Variants in PREX1 observed in about 807,000 individuals in gnomAD.
PREX1 encodes the protein phosphatidylinositol-3,4,5-trisphosphate dependent Rac exchange factor 1, also known as phosphatidylinositol 3,4,5-trisphosphate-dependent Rac exchanger 1 protein.
Under a neutral mutation model 198.3 loss-of-function variants are expected in PREX1, and 41 were observed. That is an observed-to-expected ratio of 0.21 (90% CI 0.16 to 0.27). The LOEUF (loss-of-function observed/expected upper bound fraction) is 0.27, where lower values mean the gene tolerates loss of function less well. Ranked by LOEUF, PREX1 falls within the 10% of genes least tolerant of loss-of-function variation. PREX1 has a pLI of 1.00. For missense variants in PREX1, 1,620 were observed against 2,200.7 expected (o/e 0.74, Z 5.28); for synonymous variants, 843 against 887.2 (o/e 0.95, Z 0.89).
At chr20:48,887,863 T>C in the PREX1 span, among the ~76,000 whole-genome samples, 1 of 146,168 alleles carries the variant, frequency 6.8e-6, no homozygotes, top group African/African-American at 2.5e-5. Context: ...GGCGGGAGAA[T>C]GGCGTAAACC....
At chr20:48,796,798 TTATA>T (rs1314044468) in intron 1 of PREX1, among the ~76,000 whole-genome samples, 5 of 150,844 alleles carry the variant, frequency 3.3e-5, no homozygotes, top group Non-Finnish European at 7.4e-5. Flanking sequence ...ACACATATAA[TTATA>T]TACACATGTA....
chr20:48,722,438 C>A (rs117532957), intron 5 of PREX1, among the ~76,000 whole-genome samples: 3 of 152,088 alleles, frequency 2.0e-5, no homozygotes, highest in Admixed American at 6.5e-5. Context: ...GACAAGTGGT[C>A]GGCAGGGGCT....
At chr20:48,751,463 G>A (rs2090133785) in intron 1 of PREX1, among the ~76,000 whole-genome samples, 1 of 152,168 alleles carries the variant, frequency 6.6e-6, no homozygotes, top group Non-Finnish European at 1.5e-5. Flanking sequence ...CTGAGGAACT[G>A]CAAACAAGCC....
chr20:48,741,012 A>AT lies in PREX1; in HGVS notation c.414+4012dup, dbSNP rs568732282. ...CACTGAAGTTTTGTTAAGTGAATCA[A>AT]TTTTTTTTTTTTTTGAGACGGAGTC... On this transcript the variant is annotated intron_variant, in intron 3 of 39. Transcript: ENST00000371941. 9.1e-3 allele frequency among the ~76,000 whole-genome samples: 1,343 copies of AT among 146,880 alleles called. 7 individuals are homozygous for AT. The highest frequency in any genetic ancestry group is 0.042 in the South Asian group (198 of 4,660).
chr20:48,634,085 C>CAGAT (rs1555829121), intron 33 of PREX1, among the ~76,000 whole-genome samples: 10 of 122,676 alleles, frequency 8.2e-5, no homozygotes, highest in African/African-American at 1.9e-4. Context: ...GATGGATGGA[C>CAGAT]GGATGGATGG....
chr20:48,782,110 G>A (rs1233867765), intron 1 of PREX1, among the ~76,000 whole-genome samples: 2 of 152,184 alleles, frequency 1.3e-5, no homozygotes, highest in Non-Finnish European at 2.9e-5. Context: ...GAGTCTCAGG[G>A]TCCTCATGGG....
the PREX1 span, among the ~76,000 whole-genome samples, chr20:48,847,385 C>CAAAAAAAAAAAAAA: frequency 4.1e-5 from 5 of 122,204 alleles, no homozygotes; most frequent in African/African-American, 1.6e-4. Flanking sequence ...AAAAAAAAAA[C>CAAAAAAAAAAAAAA]AAACCCTCCC....
chr20:48,775,308 G>A (rs1365368639), intron 1 of PREX1, among the ~76,000 whole-genome samples: 1 of 151,988 alleles, frequency 6.6e-6, no homozygotes, highest in Non-Finnish European at 1.5e-5. Flanking sequence ...AATCAAGCAG[G>A]AAAGGGAGAG....
chr20:48,658,004 T>C, intron 17 of PREX1, 132 bp downstream of exon 17: 1 of 901,964 alleles, frequency 1.1e-6, no homozygotes, highest in Non-Finnish European at 1.7e-6. Flanking sequence ...TTTCTCCACG[T>C]GAGCAATGAG....
intron 1 of PREX1, among the ~76,000 whole-genome samples, chr20:48,773,149 C>T (rs2090244480): frequency 6.6e-6 from 1 of 151,580 alleles, no homozygotes; most frequent in Non-Finnish European, 1.5e-5. Context: ...TGTCGGTAAT[C>T]TCTGCTACTC....
intron 4 of PREX1, among the ~76,000 whole-genome samples, chr20:48,732,457 T>C (rs2090038565): frequency 6.6e-6 from 1 of 152,172 alleles, no homozygotes; most frequent in Non-Finnish European, 1.5e-5. Context: ...TCTACTTTTA[T>C]ATACTGAATT....
At position 48,704,515 on chromosome 20, in the gene PREX1, CTTCCTTCCTTCCT is replaced by C. The variant is rs138503207; in HGVS notation, c.784-3642_784-3630del. Among the ~76,000 whole-genome samples, 126 of 151,780 alleles carry C rather than the reference CTTCCTTCCTTCCT, an allele frequency of 8.3e-4. 1 individual carries two copies. Among genetic ancestry groups the C allele is most frequent in the East Asian group, 5.4e-3 (28 of 5,152 alleles). The stretch of plus-strand genomic sequence containing the variant: ...GAGCCAGAGCCAGAAAATGGAGTGC[CTTCCTTCCTTCCT>C]TTCCTTCCTTCCTTTCCTTCCTTCC... On this transcript the variant is annotated intron_variant, in intron 6 of 39. Coordinates refer to ENST00000371941, the MANE Select transcript of PREX1 (RefSeq NM_020820.4).
chr20:48,827,758 CG>C lies in PREX1; in HGVS notation c.102del (p.Gly35AlafsTer102). On this transcript the variant is annotated frameshift_variant, in exon 1 of 40. Coordinates refer to ENST00000371941, the MANE Select transcript of PREX1 (RefSeq NM_020820.4). LOFTEE classifies it high-confidence loss of function. This position sits in a 1 kb window ranked among gnomAD's most constrained non-coding sequence, Gnocchi z 4.1. ...APGAAAPSSG[P>X]GPCAAARESE... ...GACTCCCGGGCGGCCGCGCACGGGC[CG>C]GGGCCGGAGCTGGGCGCCGCGGCGC... 2 of 1,207,584 alleles carry C rather than the reference CG, an allele frequency of 1.7e-6. No homozygotes were observed. The highest frequency in any genetic ancestry group is 1.0e-6 in the Non-Finnish European group (1 of 962,156). 74.8% of individuals were successfully genotyped at this position (1,207,584 alleles called of 1,614,324 possible). A position where few individuals can be genotyped will look rare whatever the true frequency, so the allele number is the denominator to read the frequency against.
chr20:48,718,781 A>G (rs1384142554), intron 5 of PREX1, among the ~76,000 whole-genome samples: 1 of 152,254 alleles, frequency 6.6e-6, no homozygotes, highest in African/African-American at 2.4e-5. Flanking sequence ...AAAATAACTA[A>G]TATTAAGCAC....
At chr20:48,724,229 C>T (rs539427785) in intron 5 of PREX1, among the ~76,000 whole-genome samples, 21 of 151,986 alleles carry the variant, frequency 1.4e-4, no homozygotes, top group Middle Eastern at 3.4e-3. Context: ...TTATCTACTA[C>T]GTGGCCTTGG....
chr20:48,636,781 C>G, intron 31 of PREX1, 98 bp from the exon 32 acceptor site: 1 of 1,074,250 alleles, frequency 9.3e-7, no homozygotes, highest in Non-Finnish European at 1.3e-6. Flanking sequence ...CTCATGGAAC[C>G]CCCAGCAAAG....
At position 48,636,595 on chromosome 20, in the gene PREX1, G is replaced by C. The variant is rs1373112254; in HGVS notation, c.4035C>G (p.Ala1345=). The C allele has an allele frequency of 1.9e-6, 3 of 1,611,796 alleles. No individual in the cohort carries two copies. The highest frequency in any genetic ancestry group is 1.7e-6 in the Non-Finnish European group (2 of 1,179,614). ...VCTFSKQLLA[A]LGYRYNNNGE... ...CATTGTTGTTGTAGCGGTAGCCCAG[G>C]GCCGCCAGCAGCTGCTTGGAGAAGG... is the stretch of plus-strand genomic sequence containing the variant. The change falls in exon 32 of 40, where the codon GCC becomes GCG. Residue 1345 remains alanine, a synonymous_variant. Transcript: ENST00000371941.
At chr20:48,873,249 T>C in the PREX1 span, among the ~76,000 whole-genome samples, 2 of 152,322 alleles carry the variant, frequency 1.3e-5, no homozygotes, top group East Asian at 3.9e-4. Context: ...GTTTGGTTCA[T>C]GTCCACTGCC....
chr20:48,666,434 C>A lies in PREX1; in HGVS notation c.1666-79G>T. On this transcript the variant is annotated intron_variant, in intron 14 of 39. Transcript: ENST00000371941. This position sits in a 1 kb window ranked among gnomAD's most constrained non-coding sequence, Gnocchi z 4.3. Reference sequence around the variant, plus strand: ...GCATGGCCAACGAGAAGCCCACAACCACCCAAGAAGGTAGGCTCCACGAGG... The same window carrying A: ...GCATGGCCAACGAGAAGCCCACAACAACCCAAGAAGGTAGGCTCCACGAGG... The A allele has an allele frequency of 8.0e-7, 1 of 1,251,536 alleles. No individual in the cohort carries two copies. Among genetic ancestry groups the A allele is most frequent in the South Asian group, 1.3e-5 (1 of 77,968 alleles). 77.5% of individuals were successfully genotyped at this position (1,251,536 alleles called of 1,614,324 possible). A position where few individuals can be genotyped will look rare whatever the true frequency, so the allele number is the denominator to read the frequency against.
Sources: gnomAD v4.1 joint callset for allele counts (sites outside exome capture counted in the v4.1 genomes callset) on GRCh38, gnomAD v4.1.1 for gene constraint, Gnocchi (gnomAD v3.1) non-coding constraint, MANE v1.5 for transcripts, NCBI Gene and HGNC (gene_info 2026-07-23, HGNC 2026-07-21) for gene names.